RCHY1: variants seen among roughly 807,000 people sequenced by gnomAD.
RCHY1 encodes ring finger and CHY zinc finger domain containing 1, also known as RING finger and CHY zinc finger domain-containing protein 1.
Under a neutral mutation model 41.6 loss-of-function variants are expected in RCHY1, and 21 were observed. That is an observed-to-expected ratio of 0.51 (90% confidence interval 0.36 to 0.73). RCHY1 has a LOEUF of 0.73. Ranked by LOEUF, RCHY1 falls within the 30% of genes least tolerant of loss-of-function variation. The pLI, the probability that RCHY1 is intolerant of heterozygous loss-of-function variation, is 0.00. For synonymous variants in RCHY1, 79 were observed against 102.9 expected (o/e 0.77, Z 1.41); for missense variants, 265 against 325.3 (o/e 0.81, Z 1.43).
rs756955843 is a variant in RCHY1, at chr4:75,491,654, G to C, written c.510-17C>G. 6.3e-7 allele frequency: 1 copy of C among 1,597,304 alleles called. No individual in the cohort carries two copies. The stretch of plus-strand genomic sequence containing the variant: ...TAACACGTTCTGAAAGAAAATATAA[G>C]ATTATTTTAGTAAAACAAAAACTGT... On this transcript the variant is annotated splice_polypyrimidine_tract_variant and intron_variant, in intron 6 of 8. Coordinates refer to ENST00000324439, the MANE Select transcript of RCHY1 (RefSeq NM_015436.4).
intron 3 of RCHY1, among the ~76,000 whole-genome samples, chr4:75,505,249 T>C (rs1018286978): frequency 6.6e-6 from 1 of 152,124 alleles, no homozygotes; most frequent in Non-Finnish European, 1.5e-5. Context: ...ACAGTAATGG[T>C]CGATCACCCA....
intron 8 of RCHY1, among the ~76,000 whole-genome samples, chr4:75,487,680 A>AATATATATTCAT (rs1722274624): frequency 2.6e-4 from 11 of 42,688 alleles, no homozygotes; most frequent in Non-Finnish European, 3.4e-4. Context: ...ATATATTCAT[A>AATATATATTCAT]ATATATATAT....
chr4:75,503,873 G>A (rs1056575861), intron 3 of RCHY1, among the ~76,000 whole-genome samples: 1 of 152,068 alleles, frequency 6.6e-6, no homozygotes, highest in East Asian at 1.9e-4. Context: ...TGGTTCATAA[G>A]TGGACAAACG....
intron 3 of RCHY1, among the ~76,000 whole-genome samples, chr4:75,502,943 T>G (rs932174862): frequency 2.6e-5 from 4 of 151,830 alleles, no homozygotes; most frequent in Non-Finnish European, 4.4e-5. Flanking sequence ...TTGAACACAG[T>G]TGAGAAATCA....
At position 75,490,747 on chromosome 4, in the gene RCHY1, T is replaced by G. The variant is rs762823185; in HGVS notation, c.537-46A>C. On this transcript the variant is annotated intron_variant, in intron 7 of 8. Transcript: ENST00000324439. The stretch of plus-strand genomic sequence containing the variant: ...ATTTTCCAAATATTAAACAAGAATA[T>G]ATTAATTCAGGTATACAAGAAGATG... 4.0e-6 allele frequency: 6 copies of G among 1,489,990 alleles called. No individual in the cohort carries two copies. In the South Asian group the frequency reaches 5.9e-5, roughly 15 times the overall value. The allele number at this position is 1,489,990 out of a possible 1,614,324, so 92.3% of individuals were successfully genotyped here.
chr4:75,496,733 A>C (rs1412539760), intron 3 of RCHY1, among the ~76,000 whole-genome samples: 1 of 152,174 alleles, frequency 6.6e-6, no homozygotes, highest in Non-Finnish European at 1.5e-5. Flanking sequence ...TTTCCAAGTA[A>C]CTTAACTGCA....
intron 8 of RCHY1, among the ~76,000 whole-genome samples, chr4:75,487,580 AT>A (rs1247339787): frequency 0.029 from 484 of 16,872 alleles, 66 homozygotes; most frequent in Non-Finnish European, 0.039. Flanking sequence ...ATATATTCAT[AT>A]ATATATTCAT....
chr4:75,510,950 A>G (rs1041396143), intron 1 of RCHY1, among the ~76,000 whole-genome samples: 1 of 152,208 alleles, frequency 6.6e-6, no homozygotes, highest in South Asian at 2.1e-4. Context: ...TGGAAAAGAA[A>G]GGAGTATTTT....
rs1161557698 is a variant in RCHY1, at chr4:75,480,180, C to T, written c.*2358G>A. ...AGACTTTGAGTACATTTGAAAATTG[C>T]TTTAAGTGCATGACTAGACAGCATA... On this transcript the variant is annotated 3_prime_UTR_variant, in exon 9 of 9. Coordinates refer to ENST00000324439, the MANE Select transcript of RCHY1 (RefSeq NM_015436.4). 1 of 152,140 alleles carries T rather than the reference C, an allele frequency of 6.6e-6. No individual in the cohort carries two copies. Among genetic ancestry groups the T allele is most frequent in the Non-Finnish European group, 1.5e-5 (1 of 68,028 alleles). 9.4% of individuals were successfully genotyped at this position (152,140 alleles called of 1,614,324 possible). A position where few individuals can be genotyped will look rare whatever the true frequency, so the allele number is the denominator to read the frequency against.
Position 75,514,367 on chromosome 4 carries a change from C to T in RCHY1, c.-81G>A. On this transcript the variant is annotated 5_prime_UTR_variant, in exon 1 of 9. In the 5' UTR this introduces an upstream ATG that the reference lacks. Transcript: ENST00000324439. ...CCAGAGAAGCTGCGCCTCTCTAGCACACCCCTCCCAGCCCCAGCGGCCACT... is the reference window on the plus strand; with the variant it reads ...CCAGAGAAGCTGCGCCTCTCTAGCATACCCCTCCCAGCCCCAGCGGCCACT... The T allele has an allele frequency of 6.8e-7, 1 of 1,468,622 alleles. No homozygotes were observed. Among genetic ancestry groups the T allele is most frequent in the Non-Finnish European group, 9.2e-7 (1 of 1,083,158 alleles). 91.0% of individuals were successfully genotyped at this position (1,468,622 alleles called of 1,614,324 possible).
intron 7 of RCHY1, 124 bp downstream of exon 7, chr4:75,491,487 C>T: frequency 1.3e-6 from 1 of 777,856 alleles, no homozygotes; most frequent in Non-Finnish European, 2.1e-6. Context: ...CTACCCTACC[C>T]ATTTCAATAT....
intron 8 of RCHY1, among the ~76,000 whole-genome samples, chr4:75,487,677 CATAAT>C (rs1722271771): frequency 1.2e-5 from 1 of 80,512 alleles, no homozygotes; most frequent in Non-Finnish European, 2.1e-5. Flanking sequence ...CATATATATT[CATAAT>C]ATATATATTC....
At chr4:75,500,223 T>A (rs1046799980) in intron 3 of RCHY1, among the ~76,000 whole-genome samples, 1 of 152,176 alleles carries the variant, frequency 6.6e-6, no homozygotes, top group Non-Finnish European at 1.5e-5. Flanking sequence ...CCACATGTAG[T>A]CCAAAAATAT....
At chr4:75,499,629 T>G (rs1332936409) in intron 3 of RCHY1, among the ~76,000 whole-genome samples, 1 of 152,070 alleles carries the variant, frequency 6.6e-6, no homozygotes, top group Non-Finnish European at 1.5e-5. Flanking sequence ...GCAACATGGA[T>G]AGGATGGAGG....
chr4:75,505,289 T>C (rs180796931), intron 3 of RCHY1, among the ~76,000 whole-genome samples: 1 of 152,122 alleles, frequency 6.6e-6, no homozygotes, highest in African/African-American at 2.4e-5. Flanking sequence ...CGCAGCTCAG[T>C]TCCTAACAGG....
intron 3 of RCHY1, among the ~76,000 whole-genome samples, chr4:75,507,114 C>A (rs1385830269): frequency 1.3e-5 from 2 of 151,822 alleles, no homozygotes; most frequent in Non-Finnish European, 2.9e-5. Flanking sequence ...ATCAGCAGGA[C>A]CTCACTAAAA....
intron 8 of RCHY1, among the ~76,000 whole-genome samples, chr4:75,484,237 T>C (rs1721794917): frequency 6.6e-6 from 1 of 152,218 alleles, no homozygotes. Context: ...TTGTGTCCAC[T>C]GCTCTCTTGC....
intron 1 of RCHY1, among the ~76,000 whole-genome samples, chr4:75,511,532 A>G (rs1014738374): frequency 2.0e-5 from 3 of 152,234 alleles, no homozygotes; most frequent in Non-Finnish European, 4.4e-5. Flanking sequence ...TCCAATTTGC[A>G]CAAGAGCTTT....
rs1295285460 is a variant in RCHY1, at chr4:75,487,692, CAT to C, written c.657+2887_657+2888del. Among the ~76,000 whole-genome samples the C allele has an allele frequency of 1.7e-3, 103 of 59,058 alleles. 10 individuals carry two copies. The highest frequency in any genetic ancestry group is 2.4e-3 in the African/African-American group (25 of 10,240). 38.7% of individuals were successfully genotyped at this position (59,058 alleles called of 152,430 possible). A position where few individuals can be genotyped will look rare whatever the true frequency, so the allele number is the denominator to read the frequency against. ...CATATATATTCATAATATATATATT[CAT>C]ATATATATTCATAATATATATTCAT... On this transcript the variant is annotated intron_variant, in intron 8 of 8. Coordinates refer to ENST00000324439, the MANE Select transcript of RCHY1 (RefSeq NM_015436.4).
Sources: gnomAD v4.1 joint callset for allele counts (sites outside exome capture counted in the v4.1 genomes callset) on GRCh38, gnomAD v4.1.1 for gene constraint, MANE v1.5 for transcripts, NCBI Gene and HGNC (gene_info 2026-07-23, HGNC 2026-07-21) for gene names.